TTC7B: variants seen among roughly 807,000 people sequenced by gnomAD.
The protein encoded by TTC7B is tetratricopeptide repeat domain 7B, also known as tetratricopeptide repeat protein 7B.
A neutral mutation model predicts 106.8 loss-of-function variants in TTC7B; 28 were observed. The ratio of observed to expected loss-of-function variants is 0.26; its 90% CI spans 0.19 to 0.36. TTC7B has a LOEUF of 0.36. TTC7B is among the 10% of genes least tolerant of loss of function. The pLI is 1.00. For synonymous variants in TTC7B, 405 were observed against 430.6 expected, an observed-to-expected ratio of 0.94 and a Z score of 0.74; for missense variants, 862 against 1,076.4, an observed-to-expected ratio of 0.80 and a Z score of 2.79.
At chr14:90,612,682 T>A (rs1480256344) in intron 16 of TTC7B, among the ~76,000 whole-genome samples, 1 of 152,212 alleles carries the variant, frequency 6.6e-6, no homozygotes, top group Admixed American at 6.5e-5. Context: ...ATAAGGATTG[T>A]TGTCCTACAC....
intron 17 of TTC7B, among the ~76,000 whole-genome samples, chr14:90,602,887 T>C (rs966736687): frequency 2.0e-5 from 3 of 152,212 alleles, no homozygotes; most frequent in Admixed American, 2.0e-4. Context: ...ACTGGTTCCC[T>C]CTACCTAAAA....
chr14:90,755,523 G>A (rs1890261378), intron 3 of TTC7B, among the ~76,000 whole-genome samples: 1 of 152,082 alleles, frequency 6.6e-6, no homozygotes, highest in Non-Finnish European at 1.5e-5. Context: ...GCTGTGCATG[G>A]TAGTGCACAC....
In TTC7B at chr14:90,778,010, G is replaced by T. The variant is rs546315599; in HGVS notation, c.445+2728C>A. Among the ~76,000 whole-genome samples, 4 of 152,294 alleles carry T rather than the reference G, an allele frequency of 2.6e-5. No homozygotes were observed. In the South Asian group the frequency reaches 8.3e-4, roughly 32 times the overall value. On this transcript the variant is annotated intron_variant, in intron 3 of 19. Coordinates refer to ENST00000328459, the MANE Select transcript of TTC7B (RefSeq NM_001010854.2). ...AGAGAGGCTAAGGAACTTGCACAAG[G>T]CCCCAGAGCCAGCATGTGACACACT...
intron 5 of TTC7B, chr14:90,698,935 T>A: frequency 3.1e-6 from 1 of 326,052 alleles, no homozygotes; most frequent in Non-Finnish European, 6.0e-6. Context: ...TAGTCTACTC[T>A]TCCCTTGACC....
Position 90,539,696 on chromosome 14 carries a change from G to GGGGC in TTC7B, c.*1668_*1671dup, listed in dbSNP as rs1489155301. 6.6e-6 allele frequency: 1 copy of GGGGC among 152,346 alleles called. No individual in the cohort carries two copies. Among genetic ancestry groups the GGGGC allele is most frequent in the African/African-American group, 2.4e-5 (1 of 41,450 alleles). The allele number at this position is 152,346 out of a possible 1,614,324, so 9.4% of individuals were successfully genotyped here. On this transcript the variant is annotated 3_prime_UTR_variant, in exon 20 of 20. Coordinates refer to ENST00000328459, the MANE Select transcript of TTC7B (RefSeq NM_001010854.2). ...ATATTTCCCTGTGTCCTGGAAAGGTGGGGCCACCCTACAGCTGTCCCTGAG... is the reference window on the plus strand; with the variant it reads ...ATATTTCCCTGTGTCCTGGAAAGGTGGGGCGGGCCACCCTACAGCTGTCCCTGAG...
At chr14:90,547,591 T>C (rs1889892781) in intron 19 of TTC7B, among the ~76,000 whole-genome samples, 1 of 151,916 alleles carries the variant, frequency 6.6e-6, no homozygotes, top group South Asian at 2.1e-4. Context: ...AGCCTGGGAG[T>C]TCGAGACCGA....
In TTC7B at chr14:90,655,214, G is replaced by GA. The variant is rs1048330526; in HGVS notation, c.1342-105dup. ...AATTGGATTTCTGATGAGTCACTTT[G>GA]AAAATGACTCTCAAATCTCCCAATC... On this transcript the variant is annotated intron_variant, in intron 11 of 19. Transcript: ENST00000328459. 3.8e-6 allele frequency: 3 copies of GA among 796,220 alleles called. No homozygotes were observed. The African/African-American group carries it at 5.1e-5, about 13-fold the overall frequency. 49.3% of individuals were successfully genotyped at this position (796,220 alleles called of 1,614,324 possible).
At chr14:90,736,828 G>C (rs1889549626) in intron 4 of TTC7B, among the ~76,000 whole-genome samples, 1 of 149,848 alleles carries the variant, frequency 6.7e-6, no homozygotes, top group Admixed American at 6.6e-5. Context: ...GGAGTTTGAG[G>C]GTGCAACGAG....
intron 1 of TTC7B, among the ~76,000 whole-genome samples, chr14:90,815,147 G>A (rs1364698541): frequency 6.6e-6 from 1 of 152,198 alleles, no homozygotes; most frequent in Non-Finnish European, 1.5e-5. Flanking sequence ...CAGCCAACAT[G>A]TGCTCACTGG....
At chr14:90,593,316 T>G (rs1892046377) in intron 18 of TTC7B, among the ~76,000 whole-genome samples, 170 bp downstream of exon 18, 1 of 152,244 alleles carries the variant, frequency 6.6e-6, no homozygotes, top group Non-Finnish European at 1.5e-5. Context: ...TTGCGGTTTG[T>G]GCAAAGTAGT....
At chr14:90,591,985 G>C (rs1316478205) in intron 18 of TTC7B, among the ~76,000 whole-genome samples, 1 of 152,204 alleles carries the variant, frequency 6.6e-6, no homozygotes, top group East Asian at 1.9e-4. Flanking sequence ...CCCCTCTTTT[G>C]TACTTCTGCT....
intron 1 of TTC7B, among the ~76,000 whole-genome samples, chr14:90,815,878 G>A (rs1054614005): frequency 2.0e-5 from 3 of 151,546 alleles, no homozygotes; most frequent in African/African-American, 7.3e-5. Flanking sequence ...GGTCCCAGTG[G>A]AGCAGCGGAC....
chr14:90,582,745 T>TA (rs1891549941), intron 18 of TTC7B, among the ~76,000 whole-genome samples: 2 of 152,182 alleles, frequency 1.3e-5, no homozygotes, highest in Admixed American at 1.3e-4. Flanking sequence ...GGTCTAGCCT[T>TA]TCCATTTCAC....
intron 5 of TTC7B, among the ~76,000 whole-genome samples, chr14:90,728,776 G>A (rs930623089): frequency 3.9e-5 from 6 of 152,178 alleles, no homozygotes; most frequent in African/African-American, 1.2e-4. Flanking sequence ...TCCCGGGTCC[G>A]GACCTCCATA....
rs534350019 is a variant in TTC7B, at chr14:90,598,265, C to T, written c.1967-4639G>A. 5.3e-5 allele frequency among the ~76,000 whole-genome samples: 8 copies of T among 152,326 alleles called. No individual in the cohort carries two copies. In the East Asian group the frequency reaches 1.5e-3, roughly 29 times the overall value. On this transcript the variant is annotated intron_variant, in intron 17 of 19. Coordinates refer to ENST00000328459, the MANE Select transcript of TTC7B (RefSeq NM_001010854.2). ...AGCACAGGTCTGTCGTCAAACGGCC[C>T]GAATGGTGCAAGGGCGTGTGACGTC... is the stretch of plus-strand genomic sequence containing the variant.
chr14:90,538,311 AATGGATGG>A lies in TTC7B; in HGVS notation c.*3049_*3056del, dbSNP rs1213106650. ...GGACGGACGGACGGGTGGACGGATG[AATGGATGG>A]ATGGATGGATGGACGGATGGATGAA... On this transcript the variant is annotated 3_prime_UTR_variant, in exon 20 of 20. Transcript: ENST00000328459. The A allele has an allele frequency of 2.7e-5, 4 of 149,798 alleles. No homozygotes were observed. The highest frequency in any genetic ancestry group is 2.1e-4 in the South Asian group (1 of 4,710). The allele number at this position is 149,798 out of a possible 1,614,324, so 9.3% of individuals were successfully genotyped here. A position where few individuals can be genotyped will look rare whatever the true frequency, so the allele number is the denominator to read the frequency against.
At chr14:90,737,546 G>GTTTTTTTTTTTTTTTTTTTTTTTTTT (rs71461922) in intron 4 of TTC7B, among the ~76,000 whole-genome samples, 1 of 91,752 alleles carries the variant, frequency 1.1e-5, no homozygotes, top group Non-Finnish European at 2.2e-5. Flanking sequence ...GTATGATTCT[G>GTTTTTTTTTTTTTTTTTTTTTTTTTT]TTTTTTTTTT....
intron 19 of TTC7B, among the ~76,000 whole-genome samples, chr14:90,571,452 C>A (rs1891032188): frequency 6.6e-6 from 1 of 152,188 alleles, no homozygotes; most frequent in South Asian, 2.1e-4. Flanking sequence ...GTCCTCTCAA[C>A]AAGCACATGG....
intron 19 of TTC7B, among the ~76,000 whole-genome samples, chr14:90,571,070 C>G (rs1369725358): frequency 6.6e-6 from 1 of 152,198 alleles, no homozygotes; most frequent in African/African-American, 2.4e-5. Flanking sequence ...TACAGGTGAC[C>G]TGGGGCAGGT....
Sources: gnomAD v4.1 joint callset for allele counts (sites outside exome capture counted in the v4.1 genomes callset) on GRCh38, gnomAD v4.1.1 for gene constraint, MANE v1.5 for transcripts, NCBI Gene and HGNC (gene_info 2026-07-23, HGNC 2026-07-21) for gene names.